Variants in TMEM8B observed in about 807,000 individuals in gnomAD.
TMEM8B encodes the protein transmembrane protein 8B, also known as nasopharyngeal carcinoma expressed 6.
TMEM8B carries 29 observed loss-of-function variants against 49.3 expected under a neutral mutation model. The ratio of observed to expected loss-of-function variants is 0.59; its 90% CI spans 0.44 to 0.80. The LOEUF is 0.80. Among genes scored for constraint, TMEM8B ranks in the 30% least tolerant of loss-of-function variants. The pLI is 0.00. For missense variants in TMEM8B, 575 were observed against 658.5 expected (o/e 0.87, Z 1.39); for synonymous variants, 264 against 272.8 (o/e 0.97, Z 0.32).
chr9:35,844,824 T>G (rs1831362487), intron 6 of TMEM8B, among the ~76,000 whole-genome samples: 1 of 152,260 alleles, frequency 6.6e-6, no homozygotes. Flanking sequence ...GAGCATCTGT[T>G]TACATTCCAT....
chr9:35,853,376 G>T lies in TMEM8B; in HGVS notation c.2439+119G>T. 6.9e-7 allele frequency: 1 copy of T among 1,452,272 alleles called. No individual in the cohort carries two copies. The highest frequency in any genetic ancestry group is 9.4e-7 in the Non-Finnish European group (1 of 1,061,644). The allele number at this position is 1,452,272 out of a possible 1,614,324, so 90.0% of individuals were successfully genotyped here. A position where few individuals can be genotyped will look rare whatever the true frequency, so the allele number is the denominator to read the frequency against. Reference sequence around the variant, plus strand: ...CTGTCGTCATCACCTGCTGCTGGCAGTGTCCGCTCCAGTCTTGGCAGGTGT... The same window carrying T: ...CTGTCGTCATCACCTGCTGCTGGCATTGTCCGCTCCAGTCTTGGCAGGTGT... On this transcript the variant is annotated intron_variant, in intron 12 of 12. Transcript: ENST00000643932. The surrounding 1 kb of genome is among the most constrained non-coding windows in gnomAD (Gnocchi z 4.2).
intron 1 of TMEM8B, chr9:35,833,210 T>C (rs970534166): frequency 1.2e-4 from 57 of 495,446 alleles, no homozygotes; most frequent in Non-Finnish European, 1.4e-4. Flanking sequence ...GAGAGGGAGA[T>C]GATTGGACTA....
chr9:35,847,162 G>A (rs1372205920), intron 10 of TMEM8B, 167 bp downstream of exon 10: 4 of 1,607,378 alleles, frequency 2.5e-6, no homozygotes, highest in Non-Finnish European at 3.4e-6. Flanking sequence ...ATAGATAATG[G>A]TCATTTTTGT....
intron 3 of TMEM8B, among the ~76,000 whole-genome samples, chr9:35,840,507 A>G (rs1359530566): frequency 6.6e-6 from 1 of 152,172 alleles, no homozygotes; most frequent in Non-Finnish European, 1.5e-5. Flanking sequence ...CAAGCTGCTT[A>G]TAGTCTGGAG....
chr9:35,841,392 C>T lies in TMEM8B; in HGVS notation c.1040+125C>T, dbSNP rs553002773. The T allele has an allele frequency of 1.9e-5, 8 of 412,264 alleles. No homozygotes were observed. The highest frequency in any genetic ancestry group is 3.5e-5 in the Non-Finnish European group (8 of 226,936). 25.5% of individuals were successfully genotyped at this position (412,264 alleles called of 1,614,324 possible). A position where few individuals can be genotyped will look rare whatever the true frequency, so the allele number is the denominator to read the frequency against. On this transcript the variant is annotated intron_variant, in intron 4 of 12. Transcript: ENST00000643932. The surrounding 1 kb of genome is among the most constrained non-coding windows in gnomAD (Gnocchi z 5.9). ...CTGGGTGGGATCCCTGCCTCCCTCC[C>T]TCCCAGCACAGAGCGGGAGACCTGA...
chr9:35,829,347 A>C lies in TMEM8B; in HGVS notation c.-101A>C. On this transcript the variant is annotated 5_prime_UTR_variant, in exon 1 of 13. Transcript: ENST00000643932. Reference sequence around the variant, plus strand: ...CCCCGGCCCCCGCCCCGGGCCCGCGAGGACACCGGAGGCCACCCCCCGGGG... The same window carrying C: ...CCCCGGCCCCCGCCCCGGGCCCGCGCGGACACCGGAGGCCACCCCCCGGGG... 2 of 357,960 alleles carry C rather than the reference A, an allele frequency of 5.6e-6. No homozygotes were observed. The highest frequency in any genetic ancestry group is 9.9e-6 in the Non-Finnish European group (2 of 202,184). The allele number at this position is 357,960 out of a possible 1,614,324, so 22.2% of individuals were successfully genotyped here.
Position 35,853,649 on chromosome 9 carries a change from C to G in TMEM8B, c.2584C>G (p.His862Asp). ...GACCCGGGACAACTACTTCTACATT[C>G]ACAGCATTTGGCATATGCTCATTGC... ...VETRDNYFYI[H>D]SIWHMLIAGS... Residue 862 changes from histidine (H) to aspartate (D), a missense_variant, in exon 13 of 13, where the codon CAC becomes GAC. Physicochemically the swap from His to Asp is moderately conservative, Grantham distance 81. Coordinates refer to ENST00000643932, the MANE Select transcript of TMEM8B (RefSeq NM_001042590.4). This position sits in a 1 kb window ranked among gnomAD's most constrained non-coding sequence, Gnocchi z 4.2. The G allele has an allele frequency of 6.2e-7, 1 of 1,614,248 alleles. No homozygotes were observed. Among genetic ancestry groups the G allele is most frequent in the Non-Finnish European group, 8.5e-7 (1 of 1,180,046 alleles).
At position 35,864,279 on chromosome 9, in the gene TMEM8B, A is replaced by G. The variant is rs1832697873; in HGVS notation, c.*10439A>G. ...GGTTACTTTGCAAGCTAACTGACAT[A>G]TCAGTCTCATTGTCTGGTAAATCTA... is the stretch of plus-strand genomic sequence containing the variant. On this transcript the variant is annotated 3_prime_UTR_variant, in exon 13 of 13. Transcript: ENST00000643932. 6.6e-6 allele frequency: 1 copy of G among 152,240 alleles called. No individual in the cohort carries two copies. Among genetic ancestry groups the G allele is most frequent in the South Asian group, 2.1e-4 (1 of 4,830 alleles). The allele number at this position is 152,240 out of a possible 1,614,324, so 9.4% of individuals were successfully genotyped here.
At chr9:35,837,837 A>T (rs1274084721) in intron 3 of TMEM8B, among the ~76,000 whole-genome samples, 1 of 151,640 alleles carries the variant, frequency 6.6e-6, no homozygotes, top group Admixed American at 6.6e-5. Context: ...TCGTGTGTTC[A>T]TTCTAAGGTG....
intron 3 of TMEM8B, among the ~76,000 whole-genome samples, chr9:35,840,085 T>G (rs1256078120): frequency 6.6e-6 from 1 of 152,192 alleles, no homozygotes; most frequent in Non-Finnish European, 1.5e-5. Context: ...CTGTGAGGTC[T>G]GTAGGGCTCA....
chr9:35,846,235 T>G (rs1259281119), intron 7 of TMEM8B, 23 bp from the exon 8 acceptor site: 1 of 1,613,648 alleles, frequency 6.2e-7, no homozygotes, highest in South Asian at 1.1e-5. Context: ...TCCCTCTCAC[T>G]GACTCCTTCC....
rs1339886348 is a variant in TMEM8B at position 35,864,643 on chromosome 9, CAGTG to C, written c.*10806_*10809del. 2 of 152,230 alleles carry C rather than the reference CAGTG, an allele frequency of 1.3e-5. No homozygotes were observed. The highest frequency in any genetic ancestry group is 2.9e-5 in the Non-Finnish European group (2 of 68,032). 9.4% of individuals were successfully genotyped at this position (152,230 alleles called of 1,614,324 possible). A position where few individuals can be genotyped will look rare whatever the true frequency, so the allele number is the denominator to read the frequency against. ...ACAGAGCCTGGCACTGGTAAATAGT[CAGTG>C]AGCAGTAGATGATATTATTACCATC... On this transcript the variant is annotated 3_prime_UTR_variant, in exon 13 of 13. Coordinates refer to ENST00000643932, the MANE Select transcript of TMEM8B (RefSeq NM_001042590.4).
intron 1 of TMEM8B, among the ~76,000 whole-genome samples, chr9:35,834,123 A>C (rs1830204469): frequency 6.6e-6 from 1 of 151,642 alleles, no homozygotes; most frequent in Admixed American, 6.6e-5. Context: ...AATGGCTCCT[A>C]AGTGAGGAGG....
chr9:35,834,924 GA>G (rs1334488815), intron 2 of TMEM8B, 86 bp from the exon 3 acceptor site: 1 of 415,142 alleles, frequency 2.4e-6, no homozygotes, highest in Non-Finnish European at 4.4e-6. Context: ...TATCGGTGAA[GA>G]GTGACAGTTC....
At chr9:35,847,727 A>G (rs909881206) in intron 10 of TMEM8B, among the ~76,000 whole-genome samples, 18 of 152,206 alleles carry the variant, frequency 1.2e-4, no homozygotes, top group African/African-American at 4.3e-4. Context: ...AGATTAATAT[A>G]GTTTAAAACC....
chr9:35,833,294 T>G, intron 1 of TMEM8B: 1 of 985,270 alleles, frequency 1.0e-6, no homozygotes, highest in Non-Finnish European at 1.2e-6. Context: ...GCCCCGGGTC[T>G]GTCCTGAAGC....
At chr9:35,837,846 T>G (rs916963336) in intron 3 of TMEM8B, among the ~76,000 whole-genome samples, 1 of 152,048 alleles carries the variant, frequency 6.6e-6, no homozygotes, top group Admixed American at 6.5e-5. Context: ...CATTCTAAGG[T>G]GCCCAGTTGC....
At chr9:35,848,823 T>C (rs1452361740) in intron 10 of TMEM8B, among the ~76,000 whole-genome samples, 2 of 151,936 alleles carry the variant, frequency 1.3e-5, no homozygotes, top group Non-Finnish European at 1.5e-5. Context: ...TACAGGCGCA[T>C]GCCACCACAC....
chr9:35,850,928 C>T (rs1832076345), intron 10 of TMEM8B, among the ~76,000 whole-genome samples: 1 of 151,900 alleles, frequency 6.6e-6, no homozygotes, highest in South Asian at 2.1e-4. Context: ...AATTTAGTGG[C>T]CTATAGTACT....
Sources: allele counts gnomAD v4.1 joint callset (sites outside exome capture counted in the v4.1 genomes callset), GRCh38; gene constraint gnomAD v4.1.1; non-coding constraint Gnocchi (gnomAD v3.1); transcripts MANE v1.5; gene names NCBI Gene and HGNC (gene_info 2026-07-23, HGNC 2026-07-21).